Variants in MPPED1 observed in about 807,000 individuals in gnomAD.
MPPED1 encodes the protein metallophosphoesterase domain-containing protein 1.
A neutral mutation model predicts 36.2 loss-of-function variants in MPPED1; 16 were observed. That is an observed-to-expected ratio of 0.44 (90% CI 0.30 to 0.67). The LOEUF (loss-of-function observed/expected upper bound fraction) is 0.67. Among genes scored for constraint, MPPED1 ranks in the 30% least tolerant of loss-of-function variants. The pLI, the probability that MPPED1 is intolerant of heterozygous loss-of-function variation, is 0.10. For missense variants in MPPED1, 307 were observed against 453.4 expected, an observed-to-expected ratio of 0.68 and a Z score of 2.93; for synonymous variants, 199 against 191.3, an observed-to-expected ratio of 1.04 and a Z score of -0.33.
At chr22:43,499,068 TGGA>T (rs1932524614) in intron 5 of MPPED1, among the ~76,000 whole-genome samples, 2 of 151,606 alleles carry the variant, frequency 1.3e-5, no homozygotes, top group South Asian at 4.2e-4. Flanking sequence ...GTAGTGGTGA[TGGA>T]GGTGGTGATG....
At chr22:43,432,486 GAGAA>G (rs1470888936) in intron 2 of MPPED1, among the ~76,000 whole-genome samples, 2 of 130,010 alleles carry the variant, frequency 1.5e-5, no homozygotes, top group African/African-American at 5.8e-5. Context: ...AAAGGGAGGA[GAGAA>G]AGGGAGGAGA....
At chr22:43,434,865 A>T (rs530475995) in intron 2 of MPPED1, among the ~76,000 whole-genome samples, 169 bp from the exon 3 acceptor site, 2 of 152,272 alleles carry the variant, frequency 1.3e-5, no homozygotes, top group East Asian at 3.9e-4. Flanking sequence ...AGAAGTCAGG[A>T]TTCGGGCCGG....
chr22:43,433,058 C>CTG (rs986391417), intron 2 of MPPED1, among the ~76,000 whole-genome samples: 1 of 152,016 alleles, frequency 6.6e-6, no homozygotes, highest in South Asian at 2.1e-4. Context: ...GTCTGATCAG[C>CTG]TGTGTGTGGG....
intron 3 of MPPED1, among the ~76,000 whole-genome samples, chr22:43,465,114 G>A (rs1392684700): frequency 1.3e-5 from 2 of 152,214 alleles, no homozygotes; most frequent in Non-Finnish European, 2.9e-5. Context: ...GGAAACTGAG[G>A]CACGAGGAGG....
In MPPED1 at chr22:43,474,628, C is replaced by T; in HGVS notation, c.407-108C>T. 8 of 1,567,124 alleles carry T rather than the reference C, an allele frequency of 5.1e-6. No homozygotes were observed. The highest frequency in any genetic ancestry group is 7.0e-6 in the Non-Finnish European group (8 of 1,146,078). On this transcript the variant is annotated intron_variant, in intron 3 of 6. Coordinates refer to ENST00000443721, the MANE Select transcript of MPPED1 (RefSeq NM_001044370.2). This position sits in a 1 kb window ranked among gnomAD's most constrained non-coding sequence, Gnocchi z 5.2. ...GGGCAACCACGAGCTGACCTTTGAC[C>T]AGGAGTTCATGCAGCTTCCTCCTGC...
At chr22:43,505,264 G>A (rs1239504351) in intron 6 of MPPED1, among the ~76,000 whole-genome samples, 1 of 152,106 alleles carries the variant, frequency 6.6e-6, no homozygotes, top group African/African-American at 2.4e-5. Flanking sequence ...GCCAGGCACT[G>A]GGCCGAGCAC....
Position 43,463,879 on chromosome 22 carries a change from T to G in MPPED1, c.407-10857T>G, listed in dbSNP as rs1388284720. On this transcript the variant is annotated intron_variant, in intron 3 of 6. Coordinates refer to ENST00000443721, the MANE Select transcript of MPPED1 (RefSeq NM_001044370.2). ...TCTTTCTTTCTTTCTTTCTTTCTCT[T>G]TCTGTCTGTCTGTCTTTCTTTCTTT... Among the ~76,000 whole-genome samples the G allele has an allele frequency of 6.0e-5, 8 of 132,854 alleles. No individual in the cohort carries two copies. The Admixed American group carries it at 6.5e-4, about 11-fold the overall frequency. 87.2% of individuals were successfully genotyped at this position (132,854 alleles called of 152,430 possible).
At chr22:43,449,438 C>G (rs895376885) in intron 3 of MPPED1, among the ~76,000 whole-genome samples, 5 of 147,124 alleles carry the variant, frequency 3.4e-5, no homozygotes, top group East Asian at 2.1e-4. Flanking sequence ...CCCGCCCCCC[C>G]TCCAAGTAGG....
intron 4 of MPPED1, among the ~76,000 whole-genome samples, chr22:43,490,677 A>G (rs1231183204): frequency 1.3e-5 from 2 of 152,178 alleles, no homozygotes; most frequent in Non-Finnish European, 2.9e-5. Context: ...ATATTTGATC[A>G]GATTTTTGAA....
At position 43,506,923 on chromosome 22, in the gene MPPED1, G is replaced by A. The variant is rs1190381250; in HGVS notation, c.*1307G>A. On this transcript the variant is annotated 3_prime_UTR_variant, in exon 7 of 7. Coordinates refer to ENST00000443721, the MANE Select transcript of MPPED1 (RefSeq NM_001044370.2). ...TAAAGTAGTATTATTTGTCCTGATT[G>A]GTGACTTTTTTTGCACCCCTTTCCG... The A allele has an allele frequency of 6.6e-6, 1 of 152,180 alleles. No individual in the cohort carries two copies. The highest frequency in any genetic ancestry group is 6.5e-5 in the Admixed American group (1 of 15,276). The allele number at this position is 152,180 out of a possible 1,614,324, so 9.4% of individuals were successfully genotyped here.
intron 2 of MPPED1, among the ~76,000 whole-genome samples, chr22:43,431,900 G>GC: frequency 6.6e-6 from 1 of 152,330 alleles, no homozygotes; most frequent in East Asian, 1.9e-4. Flanking sequence ...TCTTCGCTGT[G>GC]CTCCAGAAGC....
intron 3 of MPPED1, among the ~76,000 whole-genome samples, chr22:43,436,135 T>C (rs1255790249): frequency 1.3e-5 from 2 of 152,222 alleles, no homozygotes; most frequent in African/African-American, 2.4e-5. Context: ...GAAATAAACC[T>C]AGGGGACCCC....
At chr22:43,473,483 T>C (rs2413763) in intron 3 of MPPED1, among the ~76,000 whole-genome samples, 99,668 of 152,098 alleles carry the variant, frequency 0.66, 33,159 homozygotes, top group African/African-American at 0.75. Context: ...TGTGCTGGCG[T>C]CTTTGCTACT....
intron 4 of MPPED1, among the ~76,000 whole-genome samples, chr22:43,481,999 A>AG (rs1415876317): frequency 1.3e-5 from 2 of 152,152 alleles, no homozygotes; most frequent in Non-Finnish European, 2.9e-5. Context: ...TCCAGGGCTC[A>AG]GGGAGGCCGT....
intron 3 of MPPED1, among the ~76,000 whole-genome samples, chr22:43,446,416 G>A (rs904275712): frequency 2.6e-5 from 4 of 152,146 alleles, no homozygotes; most frequent in Non-Finnish European, 5.9e-5. Flanking sequence ...TCAGGCTGAG[G>A]GGACATGAAG....
chr22:43,418,187 C>T (rs534228997), intron 1 of MPPED1: 39 of 456,148 alleles, frequency 8.5e-5, no homozygotes, highest in African/African-American at 5.6e-4. Context: ...TCCTTCCAAA[C>T]GAGAGCACTT....
chr22:43,440,698 C>A (rs934822614), intron 3 of MPPED1, among the ~76,000 whole-genome samples: 1 of 152,098 alleles, frequency 6.6e-6, no homozygotes, highest in Non-Finnish European at 1.5e-5. Flanking sequence ...GCCTCCGCAG[C>A]CCTCACTGCA....
At position 43,474,135 on chromosome 22, in the gene MPPED1, TAA is replaced by T. The variant is rs1931466217; in HGVS notation, c.407-599_407-598del. Reference sequence around the variant, plus strand: ...GCAATTCCTTTTGGAAAGTGGAGGATAAAGAGTCCAAGATACCCAGGGGGTGG... The same window carrying T: ...GCAATTCCTTTTGGAAAGTGGAGGATAGAGTCCAAGATACCCAGGGGGTGG... On this transcript the variant is annotated intron_variant, in intron 3 of 6. Coordinates refer to ENST00000443721, the MANE Select transcript of MPPED1 (RefSeq NM_001044370.2). This position sits in a 1 kb window ranked among gnomAD's most constrained non-coding sequence, Gnocchi z 5.2. Among the ~76,000 whole-genome samples the T allele has an allele frequency of 6.6e-6, 1 of 152,190 alleles. No homozygotes were observed. Among genetic ancestry groups the T allele is most frequent in the African/African-American group, 2.4e-5 (1 of 41,510 alleles).
chr22:43,418,489 CCTCT>C (rs942905795), intron 1 of MPPED1: 3 of 242,462 alleles, frequency 1.2e-5, no homozygotes, highest in Non-Finnish European at 2.5e-5. Flanking sequence ...TGAGCCAAGG[CCTCT>C]CTCTCTCTCC....
Sources: gnomAD v4.1 joint callset for allele counts (sites outside exome capture counted in the v4.1 genomes callset) on GRCh38, gnomAD v4.1.1 for gene constraint, Gnocchi (gnomAD v3.1) non-coding constraint, MANE v1.5 for transcripts, NCBI Gene and HGNC (gene_info 2026-07-23, HGNC 2026-07-21) for gene names.